The following ZNF385B variants were observed in gnomAD, a reference collection of about 807,000 sequenced individuals.
ZNF385B encodes zinc finger protein 385B.
In ZNF385B, 23 loss-of-function variants were observed where a neutral mutation model predicts 39.2. The ratio of observed to expected loss-of-function variants is 0.59; its 90% confidence interval spans 0.42 to 0.83. The LOEUF (loss-of-function observed/expected upper bound fraction) is 0.83, where lower values mean the gene tolerates loss of function less well. Ranked by LOEUF, ZNF385B falls within the 40% of genes least tolerant of loss-of-function variation. The probability of loss-of-function intolerance (pLI) is 0.00; values close to 1 mark genes in which losing one functional copy is unlikely to be tolerated. For missense variants in ZNF385B, 552 were observed against 598.9 expected (o/e 0.92, Z 0.82); for synonymous variants, 205 against 222.6 (o/e 0.92, Z 0.70).
intron 1 of ZNF385B, among the ~76,000 whole-genome samples, chr2:179,822,916 C>T (rs1025428570): frequency 4.6e-5 from 7 of 152,088 alleles, no homozygotes; most frequent in Non-Finnish European, 1.0e-4. Context: ...ATAAAGATGT[C>T]AAAGTTCTAT....
rs535615991 is a variant in ZNF385B at position 179,626,656 on chromosome 2, T to A, written c.299-81687A>T. On this transcript the variant is annotated intron_variant, in intron 3 of 9. Transcript: ENST00000410066. ...AAAAACATTTGTATATGCATATAAT[T>A]CAGTAATCTTGAAAACTGCATTATT... Among the ~76,000 whole-genome samples the A allele has an allele frequency of 4.6e-5, 7 of 152,288 alleles. No homozygotes were observed. The East Asian group carries it at 1.2e-3, about 25-fold the overall frequency.
intron 1 of ZNF385B, among the ~76,000 whole-genome samples, chr2:179,776,815 G>C (rs1704350018): frequency 6.6e-6 from 1 of 152,094 alleles, no homozygotes; most frequent in East Asian, 1.9e-4. Context: ...TGGAATTCTT[G>C]CAGCTAGTAG....
intron 3 of ZNF385B, among the ~76,000 whole-genome samples, chr2:179,592,900 C>T (rs1439462472): frequency 1.3e-5 from 2 of 152,050 alleles, no homozygotes; most frequent in Non-Finnish European, 2.9e-5. Context: ...ATATTAAGTA[C>T]ATTATAAGGG....
chr2:179,599,330 T>C (rs1406757951), intron 3 of ZNF385B, among the ~76,000 whole-genome samples: 1 of 152,218 alleles, frequency 6.6e-6, no homozygotes, highest in Non-Finnish European at 1.5e-5. Flanking sequence ...GTCAAGTTTG[T>C]GTAGATGGGA....
At chr2:179,820,005 A>T (rs529920349) in intron 1 of ZNF385B, among the ~76,000 whole-genome samples, 1 of 152,286 alleles carries the variant, frequency 6.6e-6, no homozygotes, top group Admixed American at 6.5e-5. Flanking sequence ...AGTTTATCTT[A>T]TGTTTCCAGA....
intron 3 of ZNF385B, among the ~76,000 whole-genome samples, chr2:179,668,622 C>CT (rs34563220): frequency 4.2e-5 from 6 of 142,286 alleles, no homozygotes; most frequent in African/African-American, 1.3e-4. Context: ...CAACACCTTT[C>CT]TTTTTTTTTT....
In ZNF385B at chr2:179,705,757, A is replaced by G. The variant is rs1261518156; in HGVS notation, c.298+63746T>C. Among the ~76,000 whole-genome samples, 5 of 152,304 alleles carry G rather than the reference A, an allele frequency of 3.3e-5. No homozygotes were observed. In the South Asian group the frequency reaches 6.2e-4, roughly 19 times the overall value. On this transcript the variant is annotated intron_variant, in intron 3 of 9. Coordinates refer to ENST00000410066, the MANE Select transcript of ZNF385B (RefSeq NM_152520.6). The stretch of plus-strand genomic sequence containing the variant: ...CAAATATCTTAGGCTTTGCCAACCT[A>G]TTGTTGCAACTACTCAATTCTGCCA...
In ZNF385B at chr2:179,769,477, A is replaced by G. The variant is rs1268656643; in HGVS notation, c.298+26T>C. 3 of 1,611,192 alleles carry G rather than the reference A, an allele frequency of 1.9e-6. No homozygotes were observed. The Admixed American group carries it at 5.0e-5, about 27-fold the overall frequency. On this transcript the variant is annotated intron_variant, in intron 3 of 9. Coordinates refer to ENST00000410066, the MANE Select transcript of ZNF385B (RefSeq NM_152520.6). ...CCAGGACCATCTCTCCCCGCAGCAC[A>G]TGGAACCCGGGACCCTGCCTCCTAC...
At chr2:179,770,216 T>G (rs544506917) in intron 2 of ZNF385B, among the ~76,000 whole-genome samples, 12 of 152,308 alleles carry the variant, frequency 7.9e-5, no homozygotes, top group Non-Finnish European at 1.5e-5. Context: ...GAGTATGCAT[T>G]TCTTAGGCAA....
chr2:179,722,146 A>G (rs1575344066), intron 3 of ZNF385B, among the ~76,000 whole-genome samples: 1 of 152,160 alleles, frequency 6.6e-6, no homozygotes, highest in East Asian at 1.9e-4. Flanking sequence ...AGTATATATA[A>G]CGAGATGTGT....
At chr2:179,601,125 T>A (rs546975197) in intron 3 of ZNF385B, among the ~76,000 whole-genome samples, 2 of 152,302 alleles carry the variant, frequency 1.3e-5, no homozygotes, top group South Asian at 4.1e-4. Context: ...AAGACAAAAA[T>A]GCATATTCTT....
chr2:179,744,848 T>C (rs1702287382), intron 3 of ZNF385B, among the ~76,000 whole-genome samples: 1 of 152,056 alleles, frequency 6.6e-6, no homozygotes. Flanking sequence ...CCATTCATGC[T>C]TAGAAACACC....
chr2:179,481,723 G>T (rs1179993674), intron 6 of ZNF385B, among the ~76,000 whole-genome samples: 1 of 152,098 alleles, frequency 6.6e-6, no homozygotes, highest in East Asian at 1.9e-4. Flanking sequence ...GCATAATTTA[G>T]ATAACAAAAC....
intron 6 of ZNF385B, among the ~76,000 whole-genome samples, chr2:179,457,006 A>G (rs2050777358): frequency 1.3e-5 from 2 of 152,110 alleles, no homozygotes. Flanking sequence ...CTGATGATAT[A>G]GAGTGTTTTC....
chr2:179,678,026 T>C (rs528920450), intron 3 of ZNF385B, among the ~76,000 whole-genome samples: 4 of 152,270 alleles, frequency 2.6e-5, no homozygotes, highest in South Asian at 4.1e-4. Context: ...TCTTTTTTTT[T>C]CTATCAAGGG....
chr2:179,595,064 TA>T (rs1444125872), intron 3 of ZNF385B, among the ~76,000 whole-genome samples: 3 of 152,158 alleles, frequency 2.0e-5, no homozygotes, highest in African/African-American at 7.2e-5. Flanking sequence ...TAAATGCCAA[TA>T]AAAATAATCT....
chr2:179,450,436 G>C (rs147927210), intron 6 of ZNF385B, among the ~76,000 whole-genome samples: 6 of 151,986 alleles, frequency 3.9e-5, no homozygotes, highest in African/African-American at 1.4e-4. Flanking sequence ...AAAAGTGGGC[G>C]AAGGATATGA....
chr2:179,811,508 C>T (rs1706730390), intron 1 of ZNF385B, among the ~76,000 whole-genome samples: 1 of 152,136 alleles, frequency 6.6e-6, no homozygotes, highest in Non-Finnish European at 1.5e-5. Context: ...ACACCTACAG[C>T]CTTTTGATCT....
At chr2:179,847,732 G>A (rs1051747619) in intron 1 of ZNF385B, among the ~76,000 whole-genome samples, 3 of 152,148 alleles carry the variant, frequency 2.0e-5, no homozygotes, top group Non-Finnish European at 4.4e-5. Context: ...TGGATGCTGT[G>A]GAAGGGACTA....
Sources: gnomAD v4.1 joint callset for allele counts (sites outside exome capture counted in the v4.1 genomes callset) on GRCh38, gnomAD v4.1.1 for gene constraint, MANE v1.5 for transcripts, NCBI Gene and HGNC (gene_info 2026-07-23, HGNC 2026-07-21) for gene names.